The following WNT5B variants were observed in gnomAD, a reference collection of about 807,000 sequenced individuals.
WNT5B encodes the protein Wnt family member 5B.
Under a neutral mutation model 36.5 loss-of-function variants are expected in WNT5B, and 18 were observed. The ratio of observed to expected loss-of-function variants is 0.49; its 90% confidence interval spans 0.34 to 0.73. The LOEUF (loss-of-function observed/expected upper bound fraction) is 0.73. WNT5B is among the 30% of genes least tolerant of loss of function. The pLI, the probability that WNT5B is intolerant of heterozygous loss-of-function variation, is 0.01. For missense variants in WNT5B, 424 were observed against 508.4 expected, an observed-to-expected ratio of 0.83 and a Z score of 1.60; for synonymous variants, 213 against 212.3, an observed-to-expected ratio of 1.00 and a Z score of -0.03.
rs1384985426 is a variant in WNT5B, at chr12:1,632,925, G to A, written c.328+20G>A. 2.8e-5 allele frequency: 45 copies of A among 1,590,794 alleles called. No individual in the cohort carries two copies. Among genetic ancestry groups the A allele is most frequent in the Non-Finnish European group, 3.9e-5 (45 of 1,163,336 alleles). ...AGATAGGTAAGAGGCCATTACAAGAGGGCTCGGCCAAGGAACTGCACTCGT... is the reference window on the plus strand; with the variant it reads ...AGATAGGTAAGAGGCCATTACAAGAAGGCTCGGCCAAGGAACTGCACTCGT... On this transcript the variant is annotated intron_variant, in intron 3 of 4. Coordinates refer to ENST00000397196, the MANE Select transcript of WNT5B (RefSeq NM_032642.3). This position sits in a 1 kb window ranked among gnomAD's most constrained non-coding sequence, Gnocchi z 5.8.
At position 1,639,661 on chromosome 12, in the gene WNT5B, ACCGC is replaced by A; in HGVS notation, c.329-20_329-17del. 1 of 1,484,272 alleles carries A rather than the reference ACCGC, an allele frequency of 6.7e-7. No individual in the cohort carries two copies. 91.9% of individuals were successfully genotyped at this position (1,484,272 alleles called of 1,614,324 possible). ...CCGGGAGAGGAGAGCGCACCCGCTT[ACCGC>A]CCTGGCCTCATTCTGCAGGCAGCCG... On this transcript the variant is annotated intron_variant, in intron 3 of 4. Coordinates refer to ENST00000397196, the MANE Select transcript of WNT5B (RefSeq NM_032642.3).
intron 1 of WNT5B, among the ~76,000 whole-genome samples, chr12:1,623,184 G>GTTTTTTTTTT (rs1555156800): frequency 9.3e-5 from 5 of 53,512 alleles, no homozygotes; most frequent in African/African-American, 7.4e-5. Context: ...AGGGTTTTTT[G>GTTTTTTTTTT]TTGTTTTTTT....
rs1282804118 is a variant in WNT5B at position 1,639,757 on chromosome 12, C to T, written c.402C>T (p.Arg134=). The T allele has an allele frequency of 3.7e-6, 6 of 1,606,224 alleles. No homozygotes were observed. The highest frequency in any genetic ancestry group is 1.3e-5 in the African/African-American group (1 of 74,568). ...GVVNAISRAC[R]EGELSTCGCS... is the part of the protein sequence containing the mutation. ...TCAACGCCATCAGCCGGGCCTGCCGCGAGGGCGAGCTCTCCACCTGCGGCT... is the reference window on the plus strand; with the variant it reads ...TCAACGCCATCAGCCGGGCCTGCCGTGAGGGCGAGCTCTCCACCTGCGGCT... Residue 134 remains arginine, a synonymous_variant, in exon 4 of 5, where the codon CGC becomes CGT. Transcript: ENST00000397196.
At chr12:1,617,363 G>A (rs931607778) in intron 1 of WNT5B, among the ~76,000 whole-genome samples, 1 of 151,696 alleles carries the variant, frequency 6.6e-6, no homozygotes, top group Non-Finnish European at 1.5e-5. Flanking sequence ...AGCATGATGG[G>A]CTGGCTCATG....
In WNT5B at chr12:1,639,796, G is replaced by T; in HGVS notation, c.441G>T (p.Ala147=). The change falls in exon 4 of 5, where the codon GCG becomes GCT. Residue 147 remains alanine, a synonymous_variant. Transcript: ENST00000397196. ...ELSTCGCSRT[A]RPKDLPRDWL... ...CCACCTGCGGCTGCAGCCGGACGGCGCGGCCCAAGGACCTGCCCCGGGACT... is the reference window on the plus strand; with the variant it reads ...CCACCTGCGGCTGCAGCCGGACGGCTCGGCCCAAGGACCTGCCCCGGGACT... 1 of 1,612,480 alleles carries T rather than the reference G, an allele frequency of 6.2e-7. No homozygotes were observed. Among genetic ancestry groups the T allele is most frequent in the Non-Finnish European group, 8.5e-7 (1 of 1,179,334 alleles).
At chr12:1,639,479 G>C (rs953082339) in intron 3 of WNT5B, among the ~76,000 whole-genome samples, 2 of 152,056 alleles carry the variant, frequency 1.3e-5, no homozygotes, top group African/African-American at 4.8e-5. Flanking sequence ...GGCTGAGCTG[G>C]GGCCCAGCGG....
rs2094553961 is a variant in WNT5B, at chr12:1,633,024, C to A, written c.328+119C>A. 2.2e-5 allele frequency: 32 copies of A among 1,425,824 alleles called. No homozygotes were observed. In the South Asian group the frequency reaches 4.0e-4, roughly 18 times the overall value. 88.3% of individuals were successfully genotyped at this position (1,425,824 alleles called of 1,614,324 possible). On this transcript the variant is annotated intron_variant, in intron 3 of 4. Transcript: ENST00000397196. The surrounding 1 kb of genome is among the most constrained non-coding windows in gnomAD (Gnocchi z 4.8). Reference sequence around the variant, plus strand: ...CAAAGGCAGCCTAAGTGGGCTCTCTCTAGGCTTGGCAGCAGTGTGCACCAC... The same window carrying A: ...CAAAGGCAGCCTAAGTGGGCTCTCTATAGGCTTGGCAGCAGTGTGCACCAC...
chr12:1,628,098 C>T (rs1481900537), upstream of WNT5B, among the ~76,000 whole-genome samples: 1 of 151,988 alleles, frequency 6.6e-6, no homozygotes, highest in Non-Finnish European at 1.5e-5. Flanking sequence ...GGGAATTTTG[C>T]ATCTTTCCCT....
chr12:1,626,865 G>A (rs1304524796), upstream of WNT5B, among the ~76,000 whole-genome samples: 5 of 152,188 alleles, frequency 3.3e-5, no homozygotes, highest in Middle Eastern at 3.4e-3. Flanking sequence ...GCGCCCGGCC[G>A]CCAAATGTAT....
At chr12:1,635,051 C>T (rs888716507) in intron 3 of WNT5B, among the ~76,000 whole-genome samples, 1 of 152,218 alleles carries the variant, frequency 6.6e-6, no homozygotes, top group African/African-American at 2.4e-5. Context: ...CCCGAATTAT[C>T]TCTTTCTTGC....
intron 3 of WNT5B, among the ~76,000 whole-genome samples, chr12:1,638,047 G>T (rs974608762): frequency 6.6e-6 from 1 of 152,200 alleles, no homozygotes; most frequent in Non-Finnish European, 1.5e-5. Flanking sequence ...AGGAGATCGA[G>T]ACCATCCTGG....
chr12:1,629,713 T>C (rs1476934055), intron 1 of WNT5B, among the ~76,000 whole-genome samples: 3 of 151,714 alleles, frequency 2.0e-5, no homozygotes, highest in Non-Finnish European at 4.4e-5. Context: ...AACCATTAGC[T>C]CCTGGTGCCA....
At chr12:1,637,814 C>CT (rs1238380927) in intron 3 of WNT5B, among the ~76,000 whole-genome samples, 1 of 151,634 alleles carries the variant, frequency 6.6e-6, no homozygotes, top group East Asian at 1.9e-4. Context: ...AACATTACAT[C>CT]TTAAAAAAAG....
rs1425334623 is a variant in WNT5B, at chr12:1,630,001, C to G, written c.-58+630C>G. On this transcript the variant is annotated intron_variant, in intron 1 of 4. Coordinates refer to ENST00000397196, the MANE Select transcript of WNT5B (RefSeq NM_032642.3). This position sits in a 1 kb window ranked among gnomAD's most constrained non-coding sequence, Gnocchi z 5.3. ...CACCTGCCTGTTGGTGCCCCCGCCC[C>G]AGCCGAGGCTTCGAGAAGGAAAATC... 1 of 499,888 alleles carries G rather than the reference C, an allele frequency of 2.0e-6. No homozygotes were observed. Among genetic ancestry groups the G allele is most frequent in the Non-Finnish European group, 2.6e-6 (1 of 385,380 alleles). The allele number at this position is 499,888 out of a possible 1,614,324, so 31.0% of individuals were successfully genotyped here.
At chr12:1,637,581 CAAA>C (rs61542245) in intron 3 of WNT5B, among the ~76,000 whole-genome samples, 8 of 110,362 alleles carry the variant, frequency 7.2e-5, no homozygotes, top group African/African-American at 1.4e-4. Flanking sequence ...ACTAAACATA[CAAA>C]AAAAAAAAAA....
chr12:1,624,066 C>T (rs149453518), intron 1 of WNT5B, among the ~76,000 whole-genome samples: 8 of 152,182 alleles, frequency 5.3e-5, no homozygotes, highest in South Asian at 4.2e-4. Flanking sequence ...TATTCGCAGC[C>T]GTAGTAACAG....
rs2094555859 is a variant in WNT5B, at chr12:1,633,976, C to T, written c.328+1071C>T. The stretch of plus-strand genomic sequence containing the variant: ...ATCCCAGCACCTTGGGAGGCTGAGG[C>T]AGGAGGATTCCTTGAGGCCAGGAGT... On this transcript the variant is annotated intron_variant, in intron 3 of 4. Transcript: ENST00000397196. This position sits in a 1 kb window ranked among gnomAD's most constrained non-coding sequence, Gnocchi z 4.8. Among the ~76,000 whole-genome samples, 3 of 152,238 alleles carry T rather than the reference C, an allele frequency of 2.0e-5. No homozygotes were observed. Among genetic ancestry groups the T allele is most frequent in the Middle Eastern group, 3.4e-3 (1 of 294 alleles).
chr12:1,621,304 A>T (rs1472343402), intron 1 of WNT5B, among the ~76,000 whole-genome samples: 2 of 152,130 alleles, frequency 1.3e-5, no homozygotes, highest in East Asian at 1.9e-4. Flanking sequence ...GACAGAGAAC[A>T]CGCATGATTG....
At chr12:1,624,277 T>C (rs994024096), upstream of WNT5B, among the ~76,000 whole-genome samples, 1 of 149,470 alleles carries the variant, frequency 6.7e-6, no homozygotes, top group Non-Finnish European at 1.5e-5. Flanking sequence ...TCCCAGCTAC[T>C]CGGGAGGCTG....
Sources: allele counts gnomAD v4.1 joint callset (sites outside exome capture counted in the v4.1 genomes callset), GRCh38; gene constraint gnomAD v4.1.1; non-coding constraint Gnocchi (gnomAD v3.1); transcripts MANE v1.5; gene names NCBI Gene and HGNC (gene_info 2026-07-23, HGNC 2026-07-21).